Variants in KDM2A observed in about 807,000 individuals in gnomAD.
KDM2A encodes lysine-specific demethylase 2A.
In KDM2A, 3 loss-of-function variants were observed where a neutral mutation model predicts 137.3. The ratio of observed to expected loss-of-function variants is 0.02; its 90% CI spans 0.01 to 0.06. The LOEUF is 0.06. Among genes scored for constraint, KDM2A ranks in the 10% least tolerant of loss-of-function variants. KDM2A has a pLI of 1.00. For missense variants in KDM2A, 738 were observed against 1,510.6 expected (o/e 0.49, Z 8.48); for synonymous variants, 512 against 541.5 (o/e 0.95, Z 0.76).
intron 19 of KDM2A, 83 bp downstream of exon 19, chr11:67,253,694 A>G (rs1859510462): frequency 7.1e-7 from 1 of 1,401,026 alleles, no homozygotes; most frequent in Non-Finnish European, 1.0e-6. Flanking sequence ...AAGCTAAGGT[A>G]GTCTCAGATA....
At chr11:67,148,906 G>A (rs1400206150) in intron 2 of KDM2A, 2 of 152,136 alleles carry the variant, frequency 1.3e-5, no homozygotes, top group Admixed American at 6.6e-5. Context: ...AAAGAGCTGG[G>A]GTAGGGGCTG....
intron 17 of KDM2A, 104 bp from the exon 18 acceptor site, chr11:67,252,590 C>G: frequency 7.9e-7 from 1 of 1,258,430 alleles, no homozygotes; most frequent in Non-Finnish European, 1.1e-6. Context: ...TGTAGAAGAA[C>G]GAGCCTCCAG....
In KDM2A at chr11:67,232,018, A is replaced by G. The variant is rs1590811179; in HGVS notation, c.1479+58A>G. The G allele has an allele frequency of 1.3e-5, 20 of 1,500,408 alleles. No individual in the cohort carries two copies. In the East Asian group the frequency reaches 4.5e-4, roughly 34 times the overall value. The allele number at this position is 1,500,408 out of a possible 1,614,324, so 92.9% of individuals were successfully genotyped here. Reference sequence around the variant, plus strand: ...GATCCAGCTATGGCAGTCAGCTTCCAGATTCAGAGGGAGAAAATATAGGAA... The same window carrying G: ...GATCCAGCTATGGCAGTCAGCTTCCGGATTCAGAGGGAGAAAATATAGGAA... On this transcript the variant is annotated intron_variant, in intron 12 of 20. Transcript: ENST00000529006.
Position 67,250,493 on chromosome 11 carries a change from C to T in KDM2A, c.2463C>T (p.Ala821=). ...CATCCATTGTGCCCAAGCTGCAGGCCATCACGGCCTCCTCTGCCAACCTTC... is the reference window on the plus strand; with the variant it reads ...CATCCATTGTGCCCAAGCTGCAGGCTATCACGGCCTCCTCTGCCAACCTTC... ...HGTSIVPKLQ[A]ITASSANLRH... is the part of the protein sequence containing the mutation. The change falls in exon 17 of 21, where the codon GCC becomes GCT. Residue 821 remains alanine (A), a synonymous_variant. Coordinates refer to ENST00000529006, the MANE Select transcript of KDM2A (RefSeq NM_012308.3). The surrounding 1 kb of genome is among the most constrained non-coding windows in gnomAD (Gnocchi z 7.1). The T allele has an allele frequency of 6.2e-7, 1 of 1,614,068 alleles. No individual in the cohort carries two copies.
In KDM2A at chr11:67,250,872, T is replaced by C. The variant is rs1382308670; in HGVS notation, c.2768+74T>C. The C allele has an allele frequency of 2.6e-6, 3 of 1,132,542 alleles. No homozygotes were observed. The highest frequency in any genetic ancestry group is 2.5e-6 in the Non-Finnish European group (2 of 787,876). 70.2% of individuals were successfully genotyped at this position (1,132,542 alleles called of 1,614,324 possible). A position where few individuals can be genotyped will look rare whatever the true frequency, so the allele number is the denominator to read the frequency against. On this transcript the variant is annotated intron_variant, in intron 17 of 20. Coordinates refer to ENST00000529006, the MANE Select transcript of KDM2A (RefSeq NM_012308.3). This position sits in a 1 kb window ranked among gnomAD's most constrained non-coding sequence, Gnocchi z 7.1. The stretch of plus-strand genomic sequence containing the variant: ...GCAGGTTTTCCATATGAGAACAGCA[T>C]GCACCTTGGCATCTGAAAGCCTGTG...
intron 6 of KDM2A, 50 bp from the exon 7 acceptor site, chr11:67,215,290 G>T: frequency 8.4e-7 from 1 of 1,194,722 alleles, no homozygotes; most frequent in Non-Finnish European, 1.2e-6. Context: ...AATTATCTTT[G>T]ACCCCAACCT....
At chr11:67,232,015 TC>T in intron 12 of KDM2A, 55 bp downstream of exon 12, 1 of 1,514,162 alleles carries the variant, frequency 6.6e-7, no homozygotes, top group South Asian at 1.3e-5. Flanking sequence ...GCAGTCAGCT[TC>T]CAGATTCAGA....
intron 2 of KDM2A, among the ~76,000 whole-genome samples, chr11:67,134,869 C>A (rs1201203977): frequency 2.0e-5 from 3 of 152,154 alleles, no homozygotes; most frequent in Non-Finnish European, 4.4e-5. Flanking sequence ...TTTCCCACAT[C>A]ATGCTTTGCA....
In KDM2A at chr11:67,231,773, G is replaced by A. The variant is rs200011930; in HGVS notation, c.1292G>A (p.Arg431Gln). 9.4e-5 allele frequency: 151 copies of A among 1,613,878 alleles called. No individual in the cohort carries two copies. The highest frequency in any genetic ancestry group is 2.9e-4 in the East Asian group (13 of 44,900). Residue 431 changes from arginine (R) to glutamine (Q), a missense_variant, in exon 12 of 21, where the codon CGG (arginine) becomes CAG (glutamine). Around this residue, in one of 9 missense-constraint regions of KDM2A, gnomAD observed 113 missense variants for 133.5 expected, o/e 0.85. Transcript: ENST00000529006. ...LAGDSSSDCS[R>Q]GSHNGQVWDP... ...GGGGACTCATCTTCTGACTGTAGCC[G>A]GGGCTCCCACAATGGACAAGTGTGG...
At chr11:67,157,041 C>T (rs1048789635) in intron 2 of KDM2A, among the ~76,000 whole-genome samples, 4 of 151,946 alleles carry the variant, frequency 2.6e-5, no homozygotes, top group Non-Finnish European at 2.9e-5. Flanking sequence ...TGGCTGGGCA[C>T]GGTGGCTCAC....
In KDM2A at chr11:67,250,224, C is replaced by A. The variant is rs771990150; in HGVS notation, c.2194C>A (p.Pro732Thr). The stretch of plus-strand genomic sequence containing the variant: ...GCAGCTCATCCATGACCCGGTTTCC[C>A]CCCGGGGTATGGTGACTCGGTCATC... ...MLQLIHDPVS[P>T]RGMVTRSSPG... Residue 732 changes from proline to threonine, a missense_variant, in exon 17 of 21, where the codon CCC becomes ACC. Coordinates refer to ENST00000529006, the MANE Select transcript of KDM2A (RefSeq NM_012308.3). This position sits in a 1 kb window ranked among gnomAD's most constrained non-coding sequence, Gnocchi z 7.1. 1.2e-6 allele frequency: 2 copies of A among 1,613,796 alleles called. No homozygotes were observed. Among genetic ancestry groups the A allele is most frequent in the Non-Finnish European group, 1.7e-6 (2 of 1,179,886 alleles).
At chr11:67,194,523 T>C (rs1399423616) in intron 5 of KDM2A, among the ~76,000 whole-genome samples, 2 of 152,206 alleles carry the variant, frequency 1.3e-5, no homozygotes, top group Non-Finnish European at 2.9e-5. Context: ...CCTGCATTAT[T>C]GAGTAAATCA....
At chr11:67,219,226 T>C in intron 9 of KDM2A, 62 bp from the exon 10 acceptor site, 1 of 754,034 alleles carries the variant, frequency 1.3e-6, no homozygotes, top group South Asian at 2.2e-5. Context: ...GTACTAGTTC[T>C]CTGAGAGAGA....
At chr11:67,163,042 C>G (rs991723198) in intron 2 of KDM2A, among the ~76,000 whole-genome samples, 1 of 152,192 alleles carries the variant, frequency 6.6e-6, no homozygotes, top group Non-Finnish European at 1.5e-5. Flanking sequence ...AGGAATTGAA[C>G]TGTATCCTAC....
At chr11:67,229,635 C>T (rs1858647732) in intron 11 of KDM2A, among the ~76,000 whole-genome samples, 1 of 152,068 alleles carries the variant, frequency 6.6e-6, no homozygotes, top group Non-Finnish European at 1.5e-5. Context: ...CTTTGGGAGG[C>T]TGAGGCGGGC....
At chr11:67,132,261 A>G (rs1855870703) in intron 2 of KDM2A, among the ~76,000 whole-genome samples, 1 of 152,204 alleles carries the variant, frequency 6.6e-6, no homozygotes, top group African/African-American at 2.4e-5. Context: ...AAAGCCAAGT[A>G]TGGACATAGC....
At chr11:67,235,698 T>A (rs2136432854) in intron 12 of KDM2A, among the ~76,000 whole-genome samples, 1 of 151,774 alleles carries the variant, frequency 6.6e-6, no homozygotes, top group African/African-American at 2.4e-5. Context: ...CTCGGCTCAC[T>A]GCAGCCTCCA....
chr11:67,250,940 G>T lies in KDM2A; in HGVS notation c.2768+142G>T. The T allele has an allele frequency of 2.9e-6, 2 of 689,550 alleles. No homozygotes were observed. The highest frequency in any genetic ancestry group is 4.1e-5 in the South Asian group (2 of 48,786). The allele number at this position is 689,550 out of a possible 1,614,324, so 42.7% of individuals were successfully genotyped here. A position where few individuals can be genotyped will look rare whatever the true frequency, so the allele number is the denominator to read the frequency against. ...AATTGACCCTTTTTCCCAAACTTTG[G>T]GTCCTGTTTAAAGATGTAGCCTGTT... On this transcript the variant is annotated intron_variant, in intron 17 of 20. Transcript: ENST00000529006. The surrounding 1 kb of genome is among the most constrained non-coding windows in gnomAD (Gnocchi z 7.1).
rs567623321 is a variant in KDM2A at position 67,252,468 on chromosome 11, T to C, written c.2769-226T>C. On this transcript the variant is annotated intron_variant, in intron 17 of 20. Coordinates refer to ENST00000529006, the MANE Select transcript of KDM2A (RefSeq NM_012308.3). ...AATAAATCAGGGTAAAGTGGTCAAG[T>C]TATATACTATCAACATGTAGGTTTG... 7.2e-6 allele frequency: 4 copies of C among 553,876 alleles called. No individual in the cohort carries two copies. In the African/African-American group the frequency reaches 7.5e-5, roughly 10 times the overall value. 34.3% of individuals were successfully genotyped at this position (553,876 alleles called of 1,614,324 possible).
Sources: allele counts gnomAD v4.1 joint callset (sites outside exome capture counted in the v4.1 genomes callset), GRCh38; gene constraint gnomAD v4.1.1; regional missense constraint gnomAD v4.1.1; non-coding constraint Gnocchi (gnomAD v3.1); transcripts MANE v1.5; gene names NCBI Gene and HGNC (gene_info 2026-07-23, HGNC 2026-07-21).